Variants in DLG2 observed in about 807,000 individuals in gnomAD.
DLG2 encodes disks large homolog 2.
Under a neutral mutation model 132.5 loss-of-function variants are expected in DLG2, and 45 were observed. The ratio of observed to expected loss-of-function variants is 0.34; its 90% CI spans 0.27 to 0.44. The LOEUF (loss-of-function observed/expected upper bound fraction) is 0.44. DLG2 is among the 20% of genes least tolerant of loss of function. The probability of loss-of-function intolerance (pLI) is 1.00; values close to 1 mark genes in which losing one functional copy is unlikely to be tolerated. For missense variants in DLG2, 1,045 were observed against 1,196.9 expected, an observed-to-expected ratio of 0.87 and a Z score of 1.87; for synonymous variants, 424 against 419.6, an observed-to-expected ratio of 1.01 and a Z score of -0.13.
intron 6 of DLG2, among the ~76,000 whole-genome samples, chr11:84,880,179 T>A (rs2087069062): frequency 6.6e-6 from 1 of 151,974 alleles, no homozygotes; most frequent in African/African-American, 2.4e-5. Flanking sequence ...GAAATCACCA[T>A]GAGGATGCAC....
intron 6 of DLG2, among the ~76,000 whole-genome samples, chr11:84,605,278 G>T (rs1225195722): frequency 2.0e-5 from 3 of 151,914 alleles, no homozygotes; most frequent in African/African-American, 7.2e-5. Flanking sequence ...ACCTTAGCAT[G>T]CATTTTTAGA....
At chr11:85,546,818 CTTTTTTTTTTTTTT>C (rs34822004) in intron 3 of DLG2, among the ~76,000 whole-genome samples, 5 of 68,970 alleles carry the variant, frequency 7.2e-5, no homozygotes, top group African/African-American at 3.0e-4. Flanking sequence ...ATAACCCCTG[CTTTTTTTTTTTTTT>C]TTTTTTTTGC....
At chr11:85,573,717 T>C (rs1036543747) in intron 3 of DLG2, among the ~76,000 whole-genome samples, 7 of 152,242 alleles carry the variant, frequency 4.6e-5, no homozygotes, top group Non-Finnish European at 7.3e-5. Flanking sequence ...TTACATAGTT[T>C]CGTTCTGCTA....
chr11:83,977,915 T>C (rs1042965140), intron 12 of DLG2, among the ~76,000 whole-genome samples: 10 of 152,110 alleles, frequency 6.6e-5, no homozygotes, highest in African/African-American at 2.4e-4. Flanking sequence ...TGTGCCTATC[T>C]TTCTGTTTTC....
At chr11:83,813,154 A>T (rs1020271652) in intron 17 of DLG2, among the ~76,000 whole-genome samples, 6 of 152,174 alleles carry the variant, frequency 3.9e-5, no homozygotes, top group Admixed American at 6.5e-5. Context: ...AGCAGGGTTC[A>T]AGCCTCTTGC....
chr11:85,023,201 G>C (rs563329900), intron 6 of DLG2, among the ~76,000 whole-genome samples: 9 of 152,030 alleles, frequency 5.9e-5, no homozygotes, highest in African/African-American at 1.9e-4. Context: ...AAAAATCTTA[G>C]AATGAGGTAA....
intron 3 of DLG2, among the ~76,000 whole-genome samples, chr11:85,287,003 A>G (rs1421526902): frequency 1.3e-5 from 2 of 152,082 alleles, no homozygotes; most frequent in African/African-American, 2.4e-5. Flanking sequence ...AGCAAAAACA[A>G]TATTACCTAG....
chr11:85,369,320 C>T (rs1244577778), intron 3 of DLG2, among the ~76,000 whole-genome samples: 1 of 152,100 alleles, frequency 6.6e-6, no homozygotes, highest in Non-Finnish European at 1.5e-5. Context: ...TTTCCCCCCG[C>T]CAAGAGGTTC....
intron 22 of DLG2, among the ~76,000 whole-genome samples, chr11:83,481,258 G>A (rs2093078664): frequency 6.6e-6 from 1 of 151,958 alleles, no homozygotes; most frequent in Admixed American, 6.6e-5. Context: ...GGGATGTGTT[G>A]GTTATATGCC....
At chr11:85,321,932 G>A (rs368252225) in intron 3 of DLG2, among the ~76,000 whole-genome samples, 116 of 152,122 alleles carry the variant, frequency 7.6e-4, no homozygotes, top group Middle Eastern at 3.4e-3. Flanking sequence ...AGAGAAATGG[G>A]GCAGTTCCGA....
chr11:84,064,394 CACAGAACCTAAGA>C (rs1478879878), intron 10 of DLG2, among the ~76,000 whole-genome samples: 1 of 152,118 alleles, frequency 6.6e-6, no homozygotes. Flanking sequence ...TATATCACAG[CACAGAACCTAAGA>C]ACATGGCTTG....
chr11:84,204,144 A>G (rs1206976506), intron 8 of DLG2, among the ~76,000 whole-genome samples: 2 of 151,936 alleles, frequency 1.3e-5, no homozygotes, highest in African/African-American at 4.8e-5. Context: ...TTTAGTAGAG[A>G]CGGGGTTTCT....
chr11:85,346,770 G>A (rs1197026300), intron 3 of DLG2, among the ~76,000 whole-genome samples: 3 of 151,442 alleles, frequency 2.0e-5, no homozygotes, highest in Non-Finnish European at 4.4e-5. Context: ...ACTGCAATAA[G>A]ATGTTAAAAA....
intron 17 of DLG2, among the ~76,000 whole-genome samples, chr11:83,821,164 T>C (rs931334348): frequency 2.6e-5 from 4 of 152,182 alleles, no homozygotes; most frequent in Admixed American, 6.5e-5. Context: ...TCATAACTCA[T>C]GATATCTGCT....
At chr11:83,839,571 T>C (rs897650189) in intron 16 of DLG2, among the ~76,000 whole-genome samples, 2 of 152,208 alleles carry the variant, frequency 1.3e-5, no homozygotes, top group Non-Finnish European at 2.9e-5. Flanking sequence ...GTCTCTTTGC[T>C]GTAAGTTAAG....
intron 6 of DLG2, among the ~76,000 whole-genome samples, chr11:84,979,235 G>A (rs1667248206): frequency 1.3e-5 from 2 of 152,152 alleles, no homozygotes; most frequent in Admixed American, 1.3e-4. Context: ...CAACCATTGT[G>A]GTAGGCAGTG....
At chr11:83,577,626 T>TTATTTA (rs548285181) in intron 19 of DLG2, among the ~76,000 whole-genome samples, 1,749 of 123,828 alleles carry the variant, frequency 0.014, 61 homozygotes, top group African/African-American at 0.051. Flanking sequence ...CATATATATG[T>TTATTTA]TATTTATAAT....
chr11:85,473,989 A>T (rs1348183185), intron 3 of DLG2, among the ~76,000 whole-genome samples: 2 of 152,066 alleles, frequency 1.3e-5, no homozygotes, highest in Non-Finnish European at 2.9e-5. Context: ...AGCCTCAATA[A>T]ATATAAACAG....
chr11:85,494,396 T>G (rs1597905413), intron 3 of DLG2, among the ~76,000 whole-genome samples: 1 of 152,298 alleles, frequency 6.6e-6, no homozygotes, highest in East Asian at 1.9e-4. Flanking sequence ...GTTATATATT[T>G]ACAGCCCAAA....
Sources: allele counts gnomAD v4.1 joint callset (sites outside exome capture counted in the v4.1 genomes callset), GRCh38; gene constraint gnomAD v4.1.1; transcripts MANE v1.5; gene names NCBI Gene and HGNC (gene_info 2026-07-23, HGNC 2026-07-21).